SMARCAD1: variants seen among roughly 807,000 people sequenced by gnomAD.
SMARCAD1 encodes the protein SNF2 related chromatin remodeling ATPase with DExD box 1, also known as SWI/SNF-related matrix-associated actin-dependent regulator of chromatin subfamily A containing DEAD/H box 1.
In SMARCAD1, 25 loss-of-function variants were observed where a neutral mutation model predicts 127.1. That is an observed-to-expected ratio of 0.20 (90% CI 0.14 to 0.27). The LOEUF is 0.27. Ranked by LOEUF, SMARCAD1 falls within the 10% of genes least tolerant of loss-of-function variation. The pLI is 1.00. For missense variants in SMARCAD1, 807 were observed against 1,206.0 expected, an observed-to-expected ratio of 0.67 and a Z score of 4.90; for synonymous variants, 400 against 396.9, an observed-to-expected ratio of 1.01 and a Z score of -0.09.
intron 3 of SMARCAD1, among the ~76,000 whole-genome samples, chr4:94,233,232 C>CT (rs1312516511): frequency 6.6e-6 from 1 of 152,186 alleles, no homozygotes; most frequent in African/African-American, 2.4e-5. Context: ...ATCTCTATAA[C>CT]TTACATTCAT....
At chr4:94,239,358 A>G (rs1257391492) in intron 5 of SMARCAD1, among the ~76,000 whole-genome samples, 1 of 32,194 alleles carries the variant, frequency 3.1e-5, no homozygotes, top group African/African-American at 1.4e-4. Flanking sequence ...GTTTCTTTTA[A>G]CCACAAATTG....
In SMARCAD1 at chr4:94,274,734, A is replaced by T; in HGVS notation, c.1673-4A>T. 6.2e-7 allele frequency: 1 copy of T among 1,613,414 alleles called. No individual in the cohort carries two copies. The highest frequency in any genetic ancestry group is 8.5e-7 in the Non-Finnish European group (1 of 1,179,342). On this transcript the variant is annotated splice_region_variant and splice_polypyrimidine_tract_variant and intron_variant, in intron 12 of 23. Coordinates refer to ENST00000354268, the MANE Select transcript of SMARCAD1 (RefSeq NM_020159.5). ...ATGCAAATAATGTCTCTTCTGTTCC[A>T]TAGATAACTGGTTAAGGGAAGTTAA...
chr4:94,229,700 A>G (rs368548941), intron 3 of SMARCAD1, among the ~76,000 whole-genome samples: 295 of 152,196 alleles, frequency 1.9e-3, no homozygotes, highest in African/African-American at 6.7e-3. Flanking sequence ...TGAGGTAGGA[A>G]TTAATGTCAT....
At chr4:94,278,374 T>C in intron 16 of SMARCAD1, 48 bp from the exon 17 acceptor site, 3 of 1,474,822 alleles carry the variant, frequency 2.0e-6, no homozygotes, top group Non-Finnish European at 2.8e-6. Flanking sequence ...GTTATTGCAA[T>C]AATTTAAGTG....
intron 11 of SMARCAD1, among the ~76,000 whole-genome samples, chr4:94,272,225 T>C (rs1752636489): frequency 6.6e-6 from 1 of 152,204 alleles, no homozygotes; most frequent in South Asian, 2.1e-4. Context: ...AATTTCCTCC[T>C]GAAAAGCCTT....
intron 9 of SMARCAD1, chr4:94,253,429 A>G (rs1749580676): frequency 2.5e-6 from 3 of 1,204,574 alleles, no homozygotes; most frequent in South Asian, 1.5e-5. Context: ...AGCAACGGCC[A>G]GGGGAGCTCC....
At chr4:94,226,507 ATTTT>A (rs60198579) in intron 3 of SMARCAD1, among the ~76,000 whole-genome samples, 82 of 112,946 alleles carry the variant, frequency 7.3e-4, no homozygotes, top group African/African-American at 1.0e-3. Context: ...GATAACAGTG[ATTTT>A]TTTTTTTTTT....
intron 3 of SMARCAD1, among the ~76,000 whole-genome samples, chr4:94,229,149 G>A (rs186645782): frequency 6.6e-6 from 1 of 152,150 alleles, no homozygotes; most frequent in East Asian, 1.9e-4. Context: ...TTTTCCCTTT[G>A]TAATAAATAA....
chr4:94,210,656 AT>A (rs1742066567), intron 2 of SMARCAD1, among the ~76,000 whole-genome samples: 2 of 152,066 alleles, frequency 1.3e-5, no homozygotes, highest in Non-Finnish European at 2.9e-5. Flanking sequence ...GAATGGTAAG[AT>A]TTTTATGCGC....
chr4:94,275,010 C>A (rs1423496381), intron 14 of SMARCAD1, 45 bp downstream of exon 14: 7 of 1,357,296 alleles, frequency 5.2e-6, no homozygotes, highest in South Asian at 2.3e-5. Context: ...TATGCAGCCC[C>A]CAAATTTAAA....
intron 9 of SMARCAD1, among the ~76,000 whole-genome samples, chr4:94,259,267 A>G (rs1750593205): frequency 6.6e-6 from 1 of 152,218 alleles, no homozygotes; most frequent in Non-Finnish European, 1.5e-5. Flanking sequence ...AATCTGAATC[A>G]GTTCCTCAGA....
chr4:94,282,474 C>T (rs1754249096), intron 21 of SMARCAD1, among the ~76,000 whole-genome samples: 4 of 151,890 alleles, frequency 2.6e-5, no homozygotes, highest in East Asian at 3.9e-4. Flanking sequence ...GTCTAAAACA[C>T]CTTATCTTTC....
At chr4:94,259,766 T>C (rs560951621) in intron 9 of SMARCAD1, among the ~76,000 whole-genome samples, 4 of 152,334 alleles carry the variant, frequency 2.6e-5, no homozygotes, top group African/African-American at 9.6e-5. Context: ...CATCATATTA[T>C]TTTGAAGCAC....
intron 21 of SMARCAD1, among the ~76,000 whole-genome samples, chr4:94,282,200 C>T (rs1175364980): frequency 1.3e-5 from 1 of 76,000 alleles, no homozygotes; most frequent in Non-Finnish European, 2.8e-5. Flanking sequence ...CCTGGGTTCA[C>T]GCCATTCTGC....
At chr4:94,265,126 A>AG (rs768435639) in intron 10 of SMARCAD1, among the ~76,000 whole-genome samples, 4 of 151,818 alleles carry the variant, frequency 2.6e-5, no homozygotes, top group African/African-American at 9.7e-5. Flanking sequence ...TATAAATTAA[A>AG]GGGGGGGATG....
intron 9 of SMARCAD1, among the ~76,000 whole-genome samples, chr4:94,255,199 A>T (rs1191755571): frequency 1.3e-5 from 2 of 152,210 alleles, no homozygotes; most frequent in Admixed American, 1.3e-4. Context: ...TATATTAAGA[A>T]CAACCTGCTA....
rs1755483349 is a variant in SMARCAD1 at position 94,290,008 on chromosome 4, G to A, written c.*474G>A. ...TTATGTTAAAGAATGCAGCTGTATA[G>A]ATTATATAGCTTTCATTTTATTGCT... is the stretch of plus-strand genomic sequence containing the variant. On this transcript the variant is annotated 3_prime_UTR_variant, in exon 24 of 24. Coordinates refer to ENST00000354268, the MANE Select transcript of SMARCAD1 (RefSeq NM_020159.5). 4 of 454,312 alleles carry A rather than the reference G, an allele frequency of 8.8e-6. No homozygotes were observed. The highest frequency in any genetic ancestry group is 1.8e-5 in the Non-Finnish European group (4 of 226,766). 28.1% of individuals were successfully genotyped at this position (454,312 alleles called of 1,614,324 possible). A position where few individuals can be genotyped will look rare whatever the true frequency, so the allele number is the denominator to read the frequency against.
chr4:94,273,525 C>T, intron 11 of SMARCAD1, 92 bp from the exon 12 acceptor site: 1 of 929,992 alleles, frequency 1.1e-6, no homozygotes, highest in Non-Finnish European at 1.7e-6. Flanking sequence ...AAAGTGAATA[C>T]AGCACAGAAT....
intron 3 of SMARCAD1, among the ~76,000 whole-genome samples, chr4:94,229,710 T>C (rs756499220): frequency 1.3e-5 from 2 of 152,060 alleles, no homozygotes; most frequent in African/African-American, 2.4e-5. Context: ...ATTAATGTCA[T>C]TGCCCTTTCA....
Sources: gnomAD v4.1 joint callset for allele counts (sites outside exome capture counted in the v4.1 genomes callset) on GRCh38, gnomAD v4.1.1 for gene constraint, MANE v1.5 for transcripts, NCBI Gene and HGNC (gene_info 2026-07-23, HGNC 2026-07-21) for gene names.